Variants in MCM9 observed in about 807,000 individuals in gnomAD.
MCM9 encodes minichromosome maintenance 9 homologous recombination repair factor.
MCM9 carries 55 observed loss-of-function variants against 72.8 expected under a neutral mutation model. That is an observed-to-expected ratio of 0.76 (90% CI 0.61 to 0.95). The LOEUF is 0.95. Ranked by LOEUF, MCM9 falls within the 40% of genes least tolerant of loss-of-function variation. The pLI, the probability that MCM9 is intolerant of heterozygous loss-of-function variation, is 0.00. For synonymous variants in MCM9, 480 were observed against 503.4 expected, an observed-to-expected ratio of 0.95 and a Z score of 0.62; for missense variants, 1,279 against 1,377.0, an observed-to-expected ratio of 0.93 and a Z score of 1.13.
At chr6:118,928,182 G>A (rs1471472604) in intron 3 of MCM9, among the ~76,000 whole-genome samples, 2 of 152,108 alleles carry the variant, frequency 1.3e-5, no homozygotes, top group African/African-American at 4.8e-5. Context: ...AGGCTGAGGT[G>A]GGCGGATCAC....
chr6:118,900,782 T>G (rs1161320394), intron 8 of MCM9: 6 of 1,613,004 alleles, frequency 3.7e-6, no homozygotes. Flanking sequence ...AATGGAAAAT[T>G]ATCTATGTGG....
chr6:118,931,422 G>A lies in MCM9; in HGVS notation c.302C>T (p.Ser101Leu). ...SMKQNLHARI[S>L]GLPVCPELVR... ...AGTAAAATCCTTAAGTGATTTACCT[G>A]ATATCCTGGCATGAAGATTCTGTTT... Residue 101 changes from serine (S) to leucine (L), a missense_variant and splice_region_variant, in exon 3 of 14, where the codon TCA becomes TTA. Transcript: ENST00000619706. 5 of 1,606,806 alleles carry A rather than the reference G, an allele frequency of 3.1e-6. No individual in the cohort carries two copies. Among genetic ancestry groups the A allele is most frequent in the Non-Finnish European group, 3.4e-6 (4 of 1,174,044 alleles).
intron 6 of MCM9, among the ~76,000 whole-genome samples, chr6:118,917,248 G>C (rs1475800410): frequency 1.3e-5 from 2 of 152,154 alleles, no homozygotes; most frequent in Non-Finnish European, 2.9e-5. Flanking sequence ...TTCATAAAAG[G>C]ATGAGTTTTG....
chr6:118,843,687 T>C (rs1277999799), intron 9 of MCM9, among the ~76,000 whole-genome samples: 15 of 55,474 alleles, frequency 2.7e-4, no homozygotes, highest in Admixed American at 7.1e-4. Flanking sequence ...TATATATATG[T>C]GTATATATAT....
At chr6:118,869,827 A>C (rs1777483308) in intron 8 of MCM9, among the ~76,000 whole-genome samples, 1 of 152,118 alleles carries the variant, frequency 6.6e-6, no homozygotes, top group South Asian at 2.1e-4. Flanking sequence ...ATGCAAATGG[A>C]AACAAAAAAA....
chr6:118,857,626 CAAAA>C (rs1203197065), intron 8 of MCM9, among the ~76,000 whole-genome samples: 11 of 70,966 alleles, frequency 1.6e-4, no homozygotes, highest in East Asian at 8.6e-4. Flanking sequence ...CCAGACTGAC[CAAAA>C]AAAAAAAAAA....
At chr6:118,912,764 C>T (rs917836600) in intron 7 of MCM9, 2 of 152,464 alleles carry the variant, frequency 1.3e-5, no homozygotes, top group Non-Finnish European at 2.9e-5. Flanking sequence ...AGCTTTCTGC[C>T]ATCTGGACAT....
At chr6:118,898,549 C>T (rs979902242) in intron 8 of MCM9, among the ~76,000 whole-genome samples, 6 of 151,986 alleles carry the variant, frequency 3.9e-5, no homozygotes, top group Non-Finnish European at 7.4e-5. Context: ...CTCAGCCTCC[C>T]GAGTAGCTGG....
rs1392699838 is a variant in MCM9, at chr6:118,911,680, G to T, written c.1120C>A (p.Leu374Met). 2 of 1,613,394 alleles carry T rather than the reference G, an allele frequency of 1.2e-6. No individual in the cohort carries two copies. The highest frequency in any genetic ancestry group is 8.5e-7 in the Non-Finnish European group (1 of 1,179,652). Reference sequence around the variant, plus strand: ...CTAGTAGATCCAATTCCTGTGGTCAGCACAGATCTTGGTGTAATCTTTGCT... The same window carrying T: ...CTAGTAGATCCAATTCCTGTGGTCATCACAGATCTTGGTGTAATCTTTGCT... ...YAAKITPRSV[L>M]TTGIGSTSAG... The change falls in exon 8 of 14, where the codon CTG becomes ATG. Residue 374 changes from leucine (L) to methionine (M), a missense_variant. Physicochemically the swap from Leu to Met is conservative, Grantham distance 15. Coordinates refer to ENST00000619706, the MANE Select transcript of MCM9 (RefSeq NM_017696.3).
At chr6:118,873,838 T>C (rs1481135566) in intron 8 of MCM9, among the ~76,000 whole-genome samples, 1 of 152,236 alleles carries the variant, frequency 6.6e-6, no homozygotes, top group East Asian at 1.9e-4. Context: ...CTGCAGTCCA[T>C]ATCTTTCATG....
intron 3 of MCM9, among the ~76,000 whole-genome samples, chr6:118,927,076 T>C (rs1053730955): frequency 5.3e-5 from 8 of 152,244 alleles, no homozygotes; most frequent in African/African-American, 9.6e-5. Context: ...TCATTCTCTC[T>C]TCCTTGGCCC....
chr6:118,917,200 T>C (rs1004804748), intron 6 of MCM9, among the ~76,000 whole-genome samples: 1 of 152,152 alleles, frequency 6.6e-6, no homozygotes, highest in Non-Finnish European at 1.5e-5. Flanking sequence ...TTATTGAAAA[T>C]ACATCAAAGA....
chr6:118,890,061 A>G (rs1427156862), intron 8 of MCM9, among the ~76,000 whole-genome samples: 1 of 152,148 alleles, frequency 6.6e-6, no homozygotes, highest in East Asian at 1.9e-4. Context: ...TTTCAACAGG[A>G]GGCTTGACAT....
At chr6:118,846,212 A>C (rs1775852657) in intron 9 of MCM9, among the ~76,000 whole-genome samples, 2 of 152,070 alleles carry the variant, frequency 1.3e-5, no homozygotes, top group South Asian at 4.1e-4. Flanking sequence ...CTTACGGATA[A>C]ACAAAGCAAG....
intron 8 of MCM9, among the ~76,000 whole-genome samples, chr6:118,864,317 C>T (rs1428752220): frequency 6.6e-6 from 1 of 152,050 alleles, no homozygotes; most frequent in Admixed American, 6.6e-5. Flanking sequence ...TATTTGAAAA[C>T]CCATACTTTA....
rs531103567 is a variant in MCM9, at chr6:118,814,937, G to T, written c.3319C>A (p.Arg1107Ser). The part of the protein sequence containing the change: ...RVSKRKSFQL[R>S]GSTEKLIVSK... ...ACAATCAGTTTCTCGGTGGACCCAC[G>T]GAGCTGAAAAGATTTCCTTTTACTG... Residue 1107 changes from arginine (R) to serine (S), a missense_variant, in exon 14 of 14, where the codon CGT (arginine) becomes AGT (serine). Coordinates refer to ENST00000619706, the MANE Select transcript of MCM9 (RefSeq NM_017696.3). The T allele has an allele frequency of 2.6e-6, 4 of 1,547,292 alleles. No homozygotes were observed. Among genetic ancestry groups the T allele is most frequent in the East Asian group, 2.5e-5 (1 of 40,730 alleles).
chr6:118,912,018 C>A, intron 7 of MCM9: 1 of 269,638 alleles, frequency 3.7e-6, no homozygotes, highest in Non-Finnish European at 6.9e-6. Context: ...CTATGTTTAA[C>A]ATTTTAAAAA....
chr6:118,826,040 C>T, intron 13 of MCM9, 107 bp downstream of exon 13: 1 of 1,252,120 alleles, frequency 8.0e-7, no homozygotes, highest in Non-Finnish European at 1.1e-6. Flanking sequence ...CTTACTGACC[C>T]AACACCTGAT....
intron 9 of MCM9, among the ~76,000 whole-genome samples, chr6:118,855,521 CT>C (rs1776499859): frequency 6.6e-6 from 1 of 152,058 alleles, no homozygotes; most frequent in Non-Finnish European, 1.5e-5. Context: ...CTCTCCCCCC[CT>C]CCCTCTACCT....
Sources: allele counts gnomAD v4.1 joint callset (sites outside exome capture counted in the v4.1 genomes callset), GRCh38; gene constraint gnomAD v4.1.1; transcripts MANE v1.5; gene names NCBI Gene and HGNC (gene_info 2026-07-23, HGNC 2026-07-21).